ANKLE2: variants seen among roughly 807,000 people sequenced by gnomAD.
The protein encoded by ANKLE2 is ankyrin repeat and LEM domain containing 2, also known as ankyrin repeat and LEM domain-containing protein 2.
ANKLE2 carries 55 observed loss-of-function variants against 84.2 expected under a neutral mutation model. The ratio of observed to expected loss-of-function variants is 0.65; its 90% CI spans 0.53 to 0.82. The LOEUF (loss-of-function observed/expected upper bound fraction) is 0.82. Among genes scored for constraint, ANKLE2 ranks in the 40% least tolerant of loss-of-function variants. The pLI, the probability that ANKLE2 is intolerant of heterozygous loss-of-function variation, is 0.00. For synonymous variants in ANKLE2, 551 were observed against 486.1 expected, an observed-to-expected ratio of 1.13 and a Z score of -1.76; for missense variants, 1,238 against 1,201.9, an observed-to-expected ratio of 1.03 and a Z score of -0.44.
rs766212388 is a variant in ANKLE2, at chr12:132,729,853, A to G, written c.2309T>C (p.Val770Ala). 1.2e-6 allele frequency: 2 copies of G among 1,613,286 alleles called. No homozygotes were observed. The highest frequency in any genetic ancestry group is 1.7e-6 in the Non-Finnish European group (2 of 1,179,816). ...AGAAGGCTCTAACAAGTCTCTTTCT[A>G]CTGCATTGATTCTTGAAGTCAGGAT... ...DQILTSRINA[V>A]ERDLLEPSPA... Residue 770 changes from valine to alanine, a missense_variant, in exon 11 of 13, where the codon GTA becomes GCA. Around this residue, in one of 3 missense-constraint regions of ANKLE2, gnomAD observed 802 missense variants for 774.5 expected, o/e 1.04. Coordinates refer to ENST00000357997, the MANE Select transcript of ANKLE2 (RefSeq NM_015114.3).
At chr12:132,752,591 G>A (rs894723147) in intron 2 of ANKLE2, among the ~76,000 whole-genome samples, 1 of 151,956 alleles carries the variant, frequency 6.6e-6, no homozygotes, top group African/African-American at 2.4e-5. Flanking sequence ...GGATGGTCTC[G>A]ATCTCCTGAC....
At chr12:132,728,211 A>G (rs549019108) in intron 11 of ANKLE2, 48 bp from the exon 12 acceptor site, 2 of 1,597,074 alleles carry the variant, frequency 1.3e-6, no homozygotes, top group East Asian at 4.5e-5. Context: ...TAAAAACATA[A>G]AGACTTCTAA....
rs548582081 is a variant in ANKLE2, at chr12:132,727,487, C to T, written c.2616-44G>A. The T allele has an allele frequency of 4.0e-5, 62 of 1,546,688 alleles. 1 individual carries two copies. The highest frequency in any genetic ancestry group is 3.6e-4 in the African/African-American group (26 of 73,124). ...AACTGTTAGCAGACGGGCACAGGCC[C>T]GGAGATGAACAGCAAAAGTCGGAGA... On this transcript the variant is annotated intron_variant, in intron 12 of 12. Coordinates refer to ENST00000357997, the MANE Select transcript of ANKLE2 (RefSeq NM_015114.3).
intron 1 of ANKLE2, chr12:132,758,563 G>A (rs145810693): frequency 0.058 from 8,816 of 151,640 alleles, 338 homozygotes; most frequent in East Asian, 0.14. Context: ...TTGCTCTGTC[G>A]CCCAGGCTGG....
chr12:132,755,276 G>T, intron 1 of ANKLE2, 143 bp from the exon 2 acceptor site: 1 of 746,532 alleles, frequency 1.3e-6, no homozygotes, highest in Non-Finnish European at 2.1e-6. Context: ...GGACGCGGTG[G>T]CTCACGCCTG....
At position 132,727,268 on chromosome 12, in the gene ANKLE2, G is replaced by A. The variant is rs780612219; in HGVS notation, c.2791C>T (p.Arg931Cys). 3.4e-5 allele frequency: 53 copies of A among 1,562,114 alleles called. No individual in the cohort carries two copies. Among genetic ancestry groups the A allele is most frequent in the Middle Eastern group, 1.7e-4 (1 of 6,020 alleles). The stretch of plus-strand genomic sequence containing the variant: ...TACAGGGCGGCAAGCTCAGCCAGGC[G>A]CGCCATCCTGCGGAGCTGGCTCCCG... ...VHGSQLRRMARLAELAAL is the reference protein window; with the variant it reads ...VHGSQLRRMACLAELAAL The change falls in exon 13 of 13, where the codon CGC becomes TGC. Residue 931 changes from arginine (R) to cysteine (C), a missense_variant. Arg to Cys is a radical substitution (Grantham distance 180, BLOSUM62 -3). Around this residue, in one of 3 missense-constraint regions of ANKLE2, gnomAD observed 802 missense variants for 774.5 expected, o/e 1.04. Coordinates refer to ENST00000357997, the MANE Select transcript of ANKLE2 (RefSeq NM_015114.3).
At position 132,725,974 on chromosome 12, in the gene ANKLE2, A is replaced by C. The variant is rs1465464100; in HGVS notation, c.*1268T>G. The C allele has an allele frequency of 6.6e-6, 1 of 152,146 alleles. No homozygotes were observed. The highest frequency in any genetic ancestry group is 2.4e-5 in the African/African-American group (1 of 41,404). 9.4% of individuals were successfully genotyped at this position (152,146 alleles called of 1,614,324 possible). A position where few individuals can be genotyped will look rare whatever the true frequency, so the allele number is the denominator to read the frequency against. ...TATGAAAGAAAGAAGCCTTTTTTTA[A>C]AACAAAGTTTCAATTCAGAATTTTT... On this transcript the variant is annotated 3_prime_UTR_variant, in exon 13 of 13. Transcript: ENST00000357997.
In ANKLE2 at chr12:132,741,404, A is replaced by G. The variant is rs765065469; in HGVS notation, c.1420+15T>C. On this transcript the variant is annotated intron_variant, in intron 7 of 12. Transcript: ENST00000357997. ...GCGTGGACCCCACGATCCAGGCACC[A>G]ACTCCCCATCTTACCCTTTAAATAC... 9 of 1,613,768 alleles carry G rather than the reference A, an allele frequency of 5.6e-6. No homozygotes were observed. In the Admixed American group the frequency reaches 1.5e-4, roughly 27 times the overall value.
At position 132,735,540 on chromosome 12, in the gene ANKLE2, C is replaced by T. The variant is rs779028968; in HGVS notation, c.1594-28G>A. ...ATGAAGAAAAAAAAATGTATTGAGC[C>T]GTGTCAGGCACTGCGCCCCTCAGCT... On this transcript the variant is annotated intron_variant, in intron 8 of 12. Coordinates refer to ENST00000357997, the MANE Select transcript of ANKLE2 (RefSeq NM_015114.3). 32 of 1,593,376 alleles carry T rather than the reference C, an allele frequency of 2.0e-5. No individual in the cohort carries two copies. In the Admixed American group the frequency reaches 2.1e-4, roughly 10 times the overall value.
intron 3 of ANKLE2, among the ~76,000 whole-genome samples, 156 bp from the exon 4 acceptor site, chr12:132,748,487 C>T (rs1266247204): frequency 1.3e-5 from 2 of 152,192 alleles, no homozygotes; most frequent in Admixed American, 1.3e-4. Context: ...CCACGGCCAC[C>T]GGCCCCAGCA....
intron 2 of ANKLE2, among the ~76,000 whole-genome samples, chr12:132,753,727 C>T (rs539888685): frequency 2.6e-5 from 4 of 151,526 alleles, no homozygotes; most frequent in Admixed American, 2.6e-4. Context: ...GGTGACAGTG[C>T]GAGACTCTGT....
intron 11 of ANKLE2, among the ~76,000 whole-genome samples, chr12:132,728,591 C>A (rs1158753731): frequency 6.6e-6 from 1 of 152,202 alleles, no homozygotes. Flanking sequence ...AAGGATCGAT[C>A]TGGCCTGAGC....
Position 132,735,452 on chromosome 12 carries a change from G to A in ANKLE2, c.1654C>T (p.His552Tyr). The stretch of plus-strand genomic sequence containing the variant: ...CTTTCCGGGTCCGACTTCTTGACGT[G>A]GTGAAGGAAGCCTGCTTTCTCTCGA... ...PPREKAGFLH[H>Y]VKKSDPERGF... is the part of the protein sequence containing the mutation. The change falls in exon 9 of 13, where the codon CAC becomes TAC. Residue 552 changes from histidine (H) to tyrosine (Y), a missense_variant. Coordinates refer to ENST00000357997, the MANE Select transcript of ANKLE2 (RefSeq NM_015114.3). 2 of 1,614,046 alleles carry A rather than the reference G, an allele frequency of 1.2e-6. No homozygotes were observed. The highest frequency in any genetic ancestry group is 1.7e-6 in the Non-Finnish European group (2 of 1,180,014).
intron 3 of ANKLE2, among the ~76,000 whole-genome samples, chr12:132,749,360 A>C (rs571905660): frequency 2.6e-4 from 39 of 151,166 alleles, no homozygotes; most frequent in African/African-American, 9.5e-4. Flanking sequence ...TTCACCATGT[A>C]GGCCAGGCTG....
chr12:132,751,584 C>T (rs1242191633), intron 2 of ANKLE2, among the ~76,000 whole-genome samples: 2 of 151,222 alleles, frequency 1.3e-5, no homozygotes, highest in Admixed American at 6.6e-5. Flanking sequence ...ACTCAGCTGC[C>T]GAGGCTGGAG....
At chr12:132,752,388 T>C (rs990376370) in intron 2 of ANKLE2, among the ~76,000 whole-genome samples, 4 of 152,128 alleles carry the variant, frequency 2.6e-5, no homozygotes, top group Admixed American at 1.3e-4. Flanking sequence ...AACTGCACCA[T>C]GATCATTTCC....
At chr12:132,750,532 G>T in intron 3 of ANKLE2, 111 bp downstream of exon 3, 1 of 1,142,452 alleles carries the variant, frequency 8.8e-7, no homozygotes, top group Non-Finnish European at 1.3e-6. Flanking sequence ...AGACCCCATC[G>T]ACTCTACCCT....
intron 3 of ANKLE2, among the ~76,000 whole-genome samples, 174 bp from the exon 4 acceptor site, chr12:132,748,505 C>A (rs544508246): frequency 6.6e-6 from 1 of 152,306 alleles, no homozygotes; most frequent in African/African-American, 2.4e-5. Context: ...GCATGCAACG[C>A]AATCAATGGC....
At chr12:132,746,348 C>CAAAAAAAAAAAAAATAAAAAA (rs2044238849) in intron 5 of ANKLE2, among the ~76,000 whole-genome samples, 1 of 66,542 alleles carries the variant, frequency 1.5e-5, no homozygotes, top group South Asian at 5.1e-4. Flanking sequence ...GACTCTGTCT[C>CAAAAAAAAAAAAAATAAAAAA]AAAAAAAAAA....
Sources: gnomAD v4.1 joint callset for allele counts (sites outside exome capture counted in the v4.1 genomes callset) on GRCh38, gnomAD v4.1.1 for gene constraint, gnomAD v4.1.1 regional missense constraint, MANE v1.5 for transcripts, NCBI Gene and HGNC (gene_info 2026-07-23, HGNC 2026-07-21) for gene names.